Variants in NOTCH4 observed in about 807,000 individuals in gnomAD.
NOTCH4 encodes notch receptor 4.
NOTCH4 carries 138 observed loss-of-function variants against 189.0 expected under a neutral mutation model. The ratio of observed to expected loss-of-function variants is 0.73; its 90% CI spans 0.64 to 0.84. The LOEUF (loss-of-function observed/expected upper bound fraction) is 0.84, where lower values mean the gene tolerates loss of function less well. NOTCH4 is among the 40% of genes least tolerant of loss of function. The pLI is 0.00. For missense variants in NOTCH4, 2,286 were observed against 2,605.4 expected (o/e 0.88, Z 2.67); for synonymous variants, 942 against 1,032.8 (o/e 0.91, Z 1.69).
At position 32,198,474 on chromosome 6, in the gene NOTCH4, G is replaced by A; in HGVS notation, c.4703C>T (p.Thr1568Ile). 1.2e-6 allele frequency: 2 copies of A among 1,612,910 alleles called. No individual in the cohort carries two copies. Among genetic ancestry groups the A allele is most frequent in the Non-Finnish European group, 1.7e-6 (2 of 1,180,000 alleles). Residue 1568 changes from threonine (T) to isoleucine (I), a missense_variant, in exon 26 of 30, where the codon ACT becomes ATT. Transcript: ENST00000375023. This position sits in a 1 kb window ranked among gnomAD's most constrained non-coding sequence, Gnocchi z 5.5. ...TTCCATCTCAGATTCCTGGGGAGGA[G>A]TTAGCATGGCTGCCTGAGGGAGCGC... ...CGALPQAAML[T>I]PPQESEMEAP... is the part of the protein sequence containing the mutation.
chr6:32,213,895 C>A, intron 13 of NOTCH4, 55 bp from the exon 14 acceptor site: 1 of 1,587,634 alleles, frequency 6.3e-7, no homozygotes, highest in Non-Finnish European at 8.6e-7. Context: ...TCCCTCCGCT[C>A]TCCTTCTCTT....
rs2127491918 is a variant in NOTCH4 at position 32,223,092 on chromosome 6, G to A, written c.74-6C>T. 6.2e-7 allele frequency: 1 copy of A among 1,612,946 alleles called. No individual in the cohort carries two copies. The highest frequency in any genetic ancestry group is 1.1e-5 in the South Asian group (1 of 91,032). ...GAAACTCCCACACAGCAGCCCTGAG[G>A]GTGGAGAGGCAGGCGCAATGGAAGC... is the stretch of plus-strand genomic sequence containing the variant. On this transcript the variant is annotated splice_region_variant and splice_polypyrimidine_tract_variant and intron_variant, in intron 1 of 29. Transcript: ENST00000375023.
intron 19 of NOTCH4, 116 bp from the exon 20 acceptor site, chr6:32,203,998 T>A: frequency 7.1e-7 from 1 of 1,403,196 alleles, no homozygotes. Context: ...TCCTGGGGCA[T>A]CTTTTCTGGG....
intron 19 of NOTCH4, 64 bp from the exon 20 acceptor site, chr6:32,203,946 T>C (rs1008907934): frequency 1.2e-5 from 18 of 1,474,252 alleles, no homozygotes; most frequent in Non-Finnish European, 1.6e-5. Context: ...TCCTAGCTCA[T>C]TCCTGGATGT....
intron 18 of NOTCH4, 135 bp from the exon 19 acceptor site, chr6:32,204,524 G>A (rs1024202773): frequency 7.8e-5 from 75 of 960,046 alleles, no homozygotes; most frequent in Admixed American, 2.7e-5. Context: ...CATCCATCAT[G>A]GCCATGTGTC....
intron 28 of NOTCH4, 73 bp downstream of exon 28, chr6:32,196,852 A>G (rs1787971214): frequency 1.3e-6 from 2 of 1,569,562 alleles, no homozygotes; most frequent in Admixed American, 1.7e-5. Context: ...TGCTGCACCT[A>G]TATTTTGCAC....
At position 32,215,295 on chromosome 6, in the gene NOTCH4, CA is replaced by C; in HGVS notation, c.1951del (p.Cys651ValfsTer42). ...GGCACAGCCAGGGCTTCCATCAGGA[CA>C]GAGGCAGTTGGCCTTGTCTTTCTGG... ...KDQKDKANCL[C>X]PDGSPGCAPP... On this transcript the variant is annotated frameshift_variant, in exon 12 of 30. Coordinates refer to ENST00000375023, the MANE Select transcript of NOTCH4 (RefSeq NM_004557.4). LOFTEE classifies it high-confidence loss of function. 6.2e-7 allele frequency: 1 copy of C among 1,607,904 alleles called. No individual in the cohort carries two copies. The highest frequency in any genetic ancestry group is 8.5e-7 in the Non-Finnish European group (1 of 1,178,196).
chr6:32,213,046 A>G, intron 15 of NOTCH4, 89 bp downstream of exon 15: 3 of 1,227,838 alleles, frequency 2.4e-6, no homozygotes, highest in Non-Finnish European at 3.6e-6. Context: ...GTGGGGTGGG[A>G]GGCAGCCTGG....
intron 19 of NOTCH4, 77 bp downstream of exon 19, chr6:32,204,060 G>T: frequency 1.1e-5 from 17 of 1,569,158 alleles, no homozygotes; most frequent in Non-Finnish European, 1.4e-5. Flanking sequence ...TGCCGCATGG[G>T]TGGAGACTAT....
In NOTCH4 at chr6:32,198,647, A is replaced by T; in HGVS notation, c.4617+2T>A. On this transcript the variant is annotated splice_donor_variant, in intron 25 of 29. Transcript: ENST00000375023. LOFTEE classifies it high-confidence loss of function. This position sits in a 1 kb window ranked among gnomAD's most constrained non-coding sequence, Gnocchi z 5.5. ...AGACCATTCTTGCCCCAGCCCTTTC[A>T]CCTGGCCCACCTCCTCTCCCTCCTC... 1 of 1,611,330 alleles carries T rather than the reference A, an allele frequency of 6.2e-7. No individual in the cohort carries two copies. Among genetic ancestry groups the T allele is most frequent in the Non-Finnish European group, 8.5e-7 (1 of 1,179,280 alleles).
chr6:32,218,138 G>T, intron 8 of NOTCH4, 30 bp from the exon 9 acceptor site: 1 of 1,408,222 alleles, frequency 7.1e-7, no homozygotes, highest in Non-Finnish European at 9.9e-7. Context: ...GAGGGCTGTG[G>T]CTCAGCCAGG....
rs756072902 is a variant in NOTCH4, at chr6:32,203,462, T to C, written c.3231+308A>G. On this transcript the variant is annotated intron_variant, in intron 20 of 29. Transcript: ENST00000375023. Reference sequence around the variant, plus strand: ...CATGCATCTGAGGTCCATAAATACATATACAAACACACACAGAGTTAAAAT... The same window carrying C: ...CATGCATCTGAGGTCCATAAATACACATACAAACACACACAGAGTTAAAAT... 6 of 401,148 alleles carry C rather than the reference T, an allele frequency of 1.5e-5. No individual in the cohort carries two copies. The South Asian group carries it at 2.4e-4, about 16-fold the overall frequency. 24.8% of individuals were successfully genotyped at this position (401,148 alleles called of 1,614,324 possible).
chr6:32,196,724 A>G (rs1361282660), intron 28 of NOTCH4, among the ~76,000 whole-genome samples: 1 of 149,434 alleles, frequency 6.7e-6, no homozygotes, highest in Non-Finnish European at 1.5e-5. Context: ...AGTAAGCTGG[A>G]GCGGAGGGCC....
Position 32,195,756 on chromosome 6 carries a change from C to G in NOTCH4, c.5693G>C (p.Arg1898Pro). Residue 1898 changes from arginine to proline, a missense_variant, in exon 30 of 30, where the codon CGG (arginine) becomes CCG (proline). By Grantham distance (103) the Arg-to-Pro change is moderately radical. This residue lies in a region of NOTCH4 where 383 missense variants were observed against 343.5 expected (regional missense o/e 1.11). Transcript: ENST00000375023. This position sits in a 1 kb window ranked among gnomAD's most constrained non-coding sequence, Gnocchi z 5.4. ...ARGGGAYSHCRSLSGVGAGGG... is the reference protein window; with the variant it reads ...ARGGGAYSHCPSLSGVGAGGG... ...TCCTGCTCCTACTCCCGAGAGGCTC[C>G]GGCAATGAGAATAGGCCCCGCCCCC... is the stretch of plus-strand genomic sequence containing the variant. The G allele has an allele frequency of 2.5e-6, 4 of 1,611,760 alleles. No individual in the cohort carries two copies. Among genetic ancestry groups the G allele is most frequent in the Non-Finnish European group, 3.4e-6 (4 of 1,179,854 alleles).
intron 8 of NOTCH4, among the ~76,000 whole-genome samples, chr6:32,218,864 C>A (rs61365987): frequency 1.3e-5 from 2 of 152,156 alleles, no homozygotes; most frequent in Non-Finnish European, 2.9e-5. Context: ...CTGCCACTTG[C>A]TAGCTGGGTG....
At position 32,217,008 on chromosome 6, in the gene NOTCH4, C is replaced by G. The variant is rs11963697; in HGVS notation, c.1798G>C (p.Val600Leu). The G allele has an allele frequency of 3.8e-4, 618 of 1,613,088 alleles. 5 individuals carry two copies. The African/African-American group carries it at 7.1e-3, about 18-fold the overall frequency. Residue 600 changes from valine (V) to leucine (L), a missense_variant, in exon 11 of 30, where the codon GTT (valine) becomes CTT (leucine). Val to Leu is a conservative substitution (Grantham distance 32). Coordinates refer to ENST00000375023, the MANE Select transcript of NOTCH4 (RefSeq NM_004557.4). This position sits in a 1 kb window ranked among gnomAD's most constrained non-coding sequence, Gnocchi z 4.2. ...GGAAGATCAAGGCAGCTGGCTCCAA[C>G]GGGACATGGGTCACTCAGGCACTCA... ...VDECLSDPCP[V>L]GASCLDLPGA...
At chr6:32,208,385 G>T (rs1788825169) in intron 18 of NOTCH4, among the ~76,000 whole-genome samples, 1 of 152,174 alleles carries the variant, frequency 6.6e-6, no homozygotes, top group Non-Finnish European at 1.5e-5. Context: ...TCAGGGAAAT[G>T]TAAATCAAAA....
chr6:32,222,981 C>G, intron 2 of NOTCH4, 24 bp downstream of exon 2: 1 of 1,606,252 alleles, frequency 6.2e-7, no homozygotes, highest in Non-Finnish European at 8.5e-7. Flanking sequence ...TCTCCAGTCT[C>G]CCACTCCTGC....
rs541724400 is a variant in NOTCH4 at position 32,197,095 on chromosome 6, A to G, written c.5053-23T>C. ...AAGCTGGGGAGACAGAGGGCCAGTG[A>G]CCCCTGGGGTACCTTGGACTGCCAA... On this transcript the variant is annotated intron_variant, in intron 27 of 29. Transcript: ENST00000375023. 1.9e-5 allele frequency: 31 copies of G among 1,610,094 alleles called. No homozygotes were observed. In the South Asian group the frequency reaches 2.4e-4, roughly 13 times the overall value.
Sources: gnomAD v4.1 joint callset for allele counts (sites outside exome capture counted in the v4.1 genomes callset) on GRCh38, gnomAD v4.1.1 for gene constraint, gnomAD v4.1.1 regional missense constraint, Gnocchi (gnomAD v3.1) non-coding constraint, MANE v1.5 for transcripts, NCBI Gene and HGNC (gene_info 2026-07-23, HGNC 2026-07-21) for gene names.